Variants in PRR5 observed in about 807,000 individuals in gnomAD.
PRR5 encodes proline-rich protein 5.
Under a neutral mutation model 30.6 loss-of-function variants are expected in PRR5, and 25 were observed. That is an observed-to-expected ratio of 0.82 (90% CI 0.60 to 1.14). The LOEUF is 1.14. Ranked by LOEUF, PRR5 falls within the 50% of genes most tolerant of loss-of-function variation. PRR5 has a pLI of 0.00. For missense variants in PRR5, 600 were observed against 547.1 expected (o/e 1.10, Z -0.96); for synonymous variants, 286 against 247.1 (o/e 1.16, Z -1.48).
rs146179806 is a variant in PRR5, at chr22:44,727,480, G to T, written c.322+846G>T. Among the ~76,000 whole-genome samples, 39 of 152,294 alleles carry T rather than the reference G, an allele frequency of 2.6e-4. No individual in the cohort carries two copies. In the East Asian group the frequency reaches 7.5e-3, roughly 29 times the overall value. On this transcript the variant is annotated intron_variant, in intron 4 of 7. Transcript: ENST00000336985. ...GCGTCCCTCCGTGCTGGACTGCCCCGAGTGTTTCACATCTACTAACTCATT... is the reference window on the plus strand; with the variant it reads ...GCGTCCCTCCGTGCTGGACTGCCCCTAGTGTTTCACATCTACTAACTCATT...
In PRR5 at chr22:44,714,524, G is replaced by A. The variant is rs1031356986; in HGVS notation, c.135-67G>A. On this transcript the variant is annotated intron_variant, in intron 1 of 7. Transcript: ENST00000336985. ...CTAGGAGAGAGGGAAAGAGGAATGG[G>A]GCCTGATGGGCAACCAGGGGGCTCT... 10 of 1,590,226 alleles carry A rather than the reference G, an allele frequency of 6.3e-6. No individual in the cohort carries two copies. The African/African-American group carries it at 8.0e-5, about 13-fold the overall frequency.
At position 44,692,466 on chromosome 22, in the gene PRR5, C is replaced by G. The variant is rs1337119885; in HGVS notation, c.-10-10026C>G. Among the ~76,000 whole-genome samples the G allele has an allele frequency of 5.3e-5, 7 of 133,246 alleles. No homozygotes were observed. The East Asian group carries it at 1.3e-3, about 25-fold the overall frequency. The allele number at this position is 133,246 out of a possible 152,430, so 87.4% of individuals were successfully genotyped here. A position where few individuals can be genotyped will look rare whatever the true frequency, so the allele number is the denominator to read the frequency against. On this transcript the variant is annotated intron_variant, in intron 1 of 8. Transcript: ENST00000006251. ...TGGGGCTCCTCCACCGGGGGAAATT[C>G]TTCCTCCCGGGGGCTCCTCCTCCCA...
intron 1 of PRR5, among the ~76,000 whole-genome samples, chr22:44,680,906 G>A (rs1924219152): frequency 6.6e-6 from 1 of 152,224 alleles, no homozygotes; most frequent in African/African-American, 2.4e-5. Context: ...GGCACAGGCT[G>A]CGGGACCCGG....
At position 44,709,816 on chromosome 22, in the gene PRR5, C is replaced by T. The variant is rs575003897; in HGVS notation, c.135-4775C>T. 2.7e-4 allele frequency among the ~76,000 whole-genome samples: 41 copies of T among 152,290 alleles called. No homozygotes were observed. In the South Asian group the frequency reaches 8.3e-3, roughly 31 times the overall value. ...GCAGTGAGCTGAGATTGCACCGCTG[C>T]ACTCCAGCCTAGGTGACAGAACGAG... On this transcript the variant is annotated intron_variant, in intron 1 of 7. Transcript: ENST00000336985.
upstream of PRR5, among the ~76,000 whole-genome samples, chr22:44,698,300 A>AGCAGGGGTGGCTCTGGTGGCTTTGGGGG (rs1569076832): frequency 6.7e-6 from 1 of 149,496 alleles, no homozygotes; most frequent in African/African-American, 2.5e-5. Context: ...GGCTTTGGGG[A>AGCAGGGGTGGCTCTGGTGGCTTTGGGGG]TGTGTGAATG....
chr22:44,677,954 T>G (rs1301984441), intron 1 of PRR5, among the ~76,000 whole-genome samples: 1 of 152,164 alleles, frequency 6.6e-6, no homozygotes, highest in Non-Finnish European at 1.5e-5. Context: ...AGGCTTTGCA[T>G]TGGCTCATCC....
At chr22:44,672,603 T>C (rs1486343831), upstream of PRR5, among the ~76,000 whole-genome samples, 1 of 151,970 alleles carries the variant, frequency 6.6e-6, no homozygotes, top group African/African-American at 2.4e-5. Context: ...ATAAATAAAA[T>C]AAAAGATGTC....
chr22:44,672,946 GTC>G (rs1923510664), upstream of PRR5, among the ~76,000 whole-genome samples: 1 of 152,224 alleles, frequency 6.6e-6, no homozygotes, highest in Non-Finnish European at 1.5e-5. Context: ...ATGCGCGAAG[GTC>G]AGGAAATACT....
At chr22:44,678,835 G>A (rs1437120635) in intron 1 of PRR5, among the ~76,000 whole-genome samples, 3 of 152,268 alleles carry the variant, frequency 2.0e-5, no homozygotes, top group Admixed American at 6.5e-5. Flanking sequence ...TTCATCTCTG[G>A]GTCCCAGGGC....
intron 1 of PRR5, among the ~76,000 whole-genome samples, chr22:44,692,849 C>T (rs538002787): frequency 1.3e-5 from 2 of 152,178 alleles, no homozygotes; most frequent in African/African-American, 4.8e-5. Context: ...CACGAAGGTT[C>T]GGAAGTGCAC....
At chr22:44,705,135 G>A (rs1012392432) in intron 1 of PRR5, among the ~76,000 whole-genome samples, 1 of 152,158 alleles carries the variant, frequency 6.6e-6, no homozygotes, top group African/African-American at 2.4e-5. Context: ...GCCTAAAACA[G>A]CAGAAATTTG....
At chr22:44,708,989 AAAAAG>A (rs1298600334) in intron 1 of PRR5, among the ~76,000 whole-genome samples, 12 of 150,024 alleles carry the variant, frequency 8.0e-5, no homozygotes, top group Non-Finnish European at 1.8e-4. Flanking sequence ...AAAAAAAAAA[AAAAAG>A]AAGGTACAAG....
chr22:44,706,770 C>G (rs1419902826), intron 1 of PRR5, among the ~76,000 whole-genome samples: 2 of 152,104 alleles, frequency 1.3e-5, no homozygotes, highest in African/African-American at 4.8e-5. Flanking sequence ...TCAAGCAATC[C>G]ACCTGCCTCA....
At chr22:44,685,505 G>GTGGGAGCCT (rs1924662756) in intron 1 of PRR5, among the ~76,000 whole-genome samples, 1 of 151,932 alleles carries the variant, frequency 6.6e-6, no homozygotes, top group African/African-American at 2.4e-5. Context: ...TCTCCTTAAG[G>GTGGGAGCCT]TGGGAGCCTT....
chr22:44,679,694 G>A (rs1924087519), intron 1 of PRR5: 10 of 1,084,616 alleles, frequency 9.2e-6, no homozygotes, highest in East Asian at 5.4e-5. Flanking sequence ...CAACAAGAGC[G>A]AAACTCCATC....
At chr22:44,703,653 G>C (rs747857365) in intron 1 of PRR5, among the ~76,000 whole-genome samples, 2 of 152,140 alleles carry the variant, frequency 1.3e-5, no homozygotes, top group Admixed American at 6.6e-5. Context: ...GGGAGGGCTG[G>C]TGTGGGAACA....
At chr22:44,716,412 C>T (rs1929057661) in intron 2 of PRR5, among the ~76,000 whole-genome samples, 1 of 152,162 alleles carries the variant, frequency 6.6e-6, no homozygotes, top group Non-Finnish European at 1.5e-5. Flanking sequence ...GGCTCTTGCC[C>T]GTAATTTCAG....
upstream of PRR5, chr22:44,702,203 C>T: frequency 2.8e-6 from 3 of 1,068,942 alleles, no homozygotes; most frequent in East Asian, 1.1e-4. Flanking sequence ...GGTCCGCCCC[C>T]GGCCTCCGTT....
At chr22:44,720,858 A>G (rs372688793) in intron 2 of PRR5, among the ~76,000 whole-genome samples, 23 of 152,314 alleles carry the variant, frequency 1.5e-4, no homozygotes, top group Admixed American at 7.8e-4. Context: ...AGGAAATGTC[A>G]GAGGAGGCCA....
Sources: gnomAD v4.1 joint callset for allele counts (sites outside exome capture counted in the v4.1 genomes callset) on GRCh38, gnomAD v4.1.1 for gene constraint, MANE v1.5 for transcripts, NCBI Gene and HGNC (gene_info 2026-07-23, HGNC 2026-07-21) for gene names.